TMEM117: variants seen among roughly 807,000 people sequenced by gnomAD.
TMEM117 encodes transmembrane protein 117.
TMEM117 carries 27 observed loss-of-function variants against 52.4 expected under a neutral mutation model. That is an observed-to-expected ratio of 0.51 (90% CI 0.38 to 0.71). The LOEUF (loss-of-function observed/expected upper bound fraction) is 0.71, where lower values mean the gene tolerates loss of function less well. Among genes scored for constraint, TMEM117 ranks in the 30% least tolerant of loss-of-function variants. The pLI, the probability that TMEM117 is intolerant of heterozygous loss-of-function variation, is 0.00. For synonymous variants in TMEM117, 215 were observed against 206.3 expected (o/e 1.04, Z -0.36); for missense variants, 556 against 630.5 (o/e 0.88, Z 1.26).
intron 2 of TMEM117, among the ~76,000 whole-genome samples, chr12:43,929,110 AGT>A: frequency 6.6e-6 from 1 of 152,020 alleles, no homozygotes; most frequent in South Asian, 2.1e-4. Context: ...GTATATACCC[AGT>A]AATGGGATGG....
rs1407523337 is a variant in TMEM117, at chr12:44,152,536, CAT to C, written c.510+8916_510+8917del. Among the ~76,000 whole-genome samples the C allele has an allele frequency of 7.6e-3, 831 of 109,904 alleles. 14 individuals carry two copies. The highest frequency in any genetic ancestry group is 0.03 in the African/African-American group (782 of 26,248). The allele number at this position is 109,904 out of a possible 152,430, so 72.1% of individuals were successfully genotyped here. A position where few individuals can be genotyped will look rare whatever the true frequency, so the allele number is the denominator to read the frequency against. On this transcript the variant is annotated intron_variant, in intron 4 of 7. Transcript: ENST00000266534. ...TATAAATTTATATATATATTTATATCATATAAATTTTTATATATAATATTTAT... is the reference window on the plus strand; with the variant it reads ...TATAAATTTATATATATATTTATATCATAAATTTTTATATATAATATTTAT...
rs544648133 is a variant in TMEM117 at position 43,987,563 on chromosome 12, T to C, written c.410+43221T>C. 1.2e-4 allele frequency among the ~76,000 whole-genome samples: 18 copies of C among 152,064 alleles called. No homozygotes were observed. In the East Asian group the frequency reaches 1.4e-3, roughly 11 times the overall value. ...AAGCTTTTAGTTAGTTTTTTTTTTT[T>C]CCCTTGGGAGTCTTATGTGCCCTGA... On this transcript the variant is annotated intron_variant, in intron 3 of 7. Coordinates refer to ENST00000266534, the MANE Select transcript of TMEM117 (RefSeq NM_032256.3).
chr12:44,196,883 A>G (rs1310524585), intron 4 of TMEM117, among the ~76,000 whole-genome samples: 1 of 152,214 alleles, frequency 6.6e-6, no homozygotes, highest in Non-Finnish European at 1.5e-5. Flanking sequence ...GGTTATGGTT[A>G]TGTCAGATGG....
chr12:43,967,523 C>T (rs12314455), intron 3 of TMEM117, among the ~76,000 whole-genome samples: 152 of 152,228 alleles, frequency 1.0e-3, no homozygotes, highest in African/African-American at 3.5e-3. Context: ...GCCACATTGT[C>T]TGTATGTCGT....
At chr12:44,342,970 T>G (rs1951436856) in intron 6 of TMEM117, among the ~76,000 whole-genome samples, 1 of 151,986 alleles carries the variant, frequency 6.6e-6, no homozygotes, top group African/African-American at 2.4e-5. Context: ...CTCCTTCCCC[T>G]TCTTCAAGTG....
chr12:44,000,782 G>A (rs1043637006), intron 3 of TMEM117, among the ~76,000 whole-genome samples: 2 of 152,144 alleles, frequency 1.3e-5, no homozygotes, highest in African/African-American at 4.8e-5. Flanking sequence ...TTCCCGGGTC[G>A]GTTTTCAGTG....
At chr12:44,062,336 T>G (rs1565812394) in intron 3 of TMEM117, among the ~76,000 whole-genome samples, 1 of 152,202 alleles carries the variant, frequency 6.6e-6, no homozygotes, top group Non-Finnish European at 1.5e-5. Flanking sequence ...CCACTTTCTT[T>G]GTAAGAGGCG....
chr12:43,948,994 A>T (rs1198245768), intron 3 of TMEM117, among the ~76,000 whole-genome samples: 1 of 152,196 alleles, frequency 6.6e-6, no homozygotes, highest in African/African-American at 2.4e-5. Flanking sequence ...TTAATTGAAA[A>T]ATTGAAAATA....
At chr12:43,950,325 C>T (rs1277073257) in intron 3 of TMEM117, among the ~76,000 whole-genome samples, 1 of 151,858 alleles carries the variant, frequency 6.6e-6, no homozygotes, top group Non-Finnish European at 1.5e-5. Flanking sequence ...AGCTGTTCAC[C>T]AAGAATTTAC....
intron 7 of TMEM117, among the ~76,000 whole-genome samples, chr12:44,383,687 C>G (rs1028910730): frequency 6.6e-6 from 1 of 152,182 alleles, no homozygotes; most frequent in Non-Finnish European, 1.5e-5. Flanking sequence ...AATACCAACC[C>G]TCTGGTTACT....
intron 5 of TMEM117, among the ~76,000 whole-genome samples, chr12:44,254,346 A>G (rs1480965749): frequency 1.3e-5 from 2 of 152,032 alleles, no homozygotes; most frequent in African/African-American, 2.4e-5. Context: ...TATGAAGTAG[A>G]CAGTTTACAG....
At chr12:44,237,303 C>T (rs773737761) in intron 5 of TMEM117, among the ~76,000 whole-genome samples, 6 of 151,806 alleles carry the variant, frequency 4.0e-5, no homozygotes, top group Admixed American at 6.6e-5. Context: ...AGCCCCCGGA[C>T]GTTGTTCGAA....
chr12:44,388,239 A>G lies in TMEM117; in HGVS notation c.1112A>G (p.Asn371Ser). The change falls in exon 8 of 8, where the codon AAT becomes AGT. Residue 371 changes from asparagine to serine, a missense_variant. Around this residue, in one of 3 missense-constraint regions of TMEM117, gnomAD observed 206 missense variants for 211.1 expected, o/e 0.98. Coordinates refer to ENST00000266534, the MANE Select transcript of TMEM117 (RefSeq NM_032256.3). ...TCCAATCACACTAACCCTCGGACTA[A>G]TAAAACATATGTTGAGGGAGACATG... ...WRSNHTNPRT[N>S]KTYVEGDMFL... 6.2e-7 allele frequency: 1 copy of G among 1,613,602 alleles called. No homozygotes were observed. The highest frequency in any genetic ancestry group is 8.5e-7 in the Non-Finnish European group (1 of 1,179,660).
chr12:44,382,102 G>T (rs186365230), intron 7 of TMEM117, among the ~76,000 whole-genome samples: 2 of 152,190 alleles, frequency 1.3e-5, no homozygotes, highest in East Asian at 1.9e-4. Context: ...TCTATATAAA[G>T]CAGCAATTCC....
intron 5 of TMEM117, among the ~76,000 whole-genome samples, chr12:44,288,749 T>C (rs1438978064): frequency 1.3e-5 from 2 of 152,154 alleles, no homozygotes; most frequent in East Asian, 1.9e-4. Flanking sequence ...ATTAACAAAA[T>C]TGTATATGTT....
At chr12:43,971,218 T>C (rs914247496) in intron 3 of TMEM117, among the ~76,000 whole-genome samples, 2 of 152,192 alleles carry the variant, frequency 1.3e-5, no homozygotes, top group African/African-American at 4.8e-5. Flanking sequence ...CCTTATTATT[T>C]CTTTCTTGGA....
the TMEM117 span, among the ~76,000 whole-genome samples, chr12:43,829,479 A>T: frequency 6.6e-6 from 1 of 152,212 alleles, no homozygotes; most frequent in Non-Finnish European, 1.5e-5. Context: ...ACTTTACATG[A>T]AGTCAAGAGC....
intron 3 of TMEM117, among the ~76,000 whole-genome samples, chr12:44,021,358 G>A (rs572045629): frequency 2.6e-5 from 4 of 152,006 alleles, no homozygotes; most frequent in African/African-American, 7.3e-5. Flanking sequence ...AAGTGAGAAC[G>A]TGCGATCTGG....
chr12:44,205,861 A>G (rs1203240493), intron 4 of TMEM117, among the ~76,000 whole-genome samples: 1 of 152,208 alleles, frequency 6.6e-6, no homozygotes, highest in Non-Finnish European at 1.5e-5. Flanking sequence ...GAGATTTCAC[A>G]AAGAACTTAA....
Sources: gnomAD v4.1 joint callset for allele counts (sites outside exome capture counted in the v4.1 genomes callset) on GRCh38, gnomAD v4.1.1 for gene constraint, gnomAD v4.1.1 regional missense constraint, MANE v1.5 for transcripts, NCBI Gene and HGNC (gene_info 2026-07-23, HGNC 2026-07-21) for gene names.